The following KHDRBS2 variants were observed in gnomAD, a reference collection of about 807,000 sequenced individuals.
KHDRBS2 encodes the protein KH RNA binding domain containing, signal transduction associated 2, also known as KH domain-containing, RNA-binding, signal transduction-associated protein 2.
In KHDRBS2, 26 loss-of-function variants were observed where a neutral mutation model predicts 44.3. The observed-to-expected ratio is 0.59, with a 90% CI of 0.43 to 0.81. The LOEUF (loss-of-function observed/expected upper bound fraction) is 0.81. Among genes scored for constraint, KHDRBS2 ranks in the 40% least tolerant of loss-of-function variants. KHDRBS2 has a pLI of 0.00. For synonymous variants in KHDRBS2, 194 were observed against 151.1 expected, an observed-to-expected ratio of 1.28 and a Z score of -2.08; for missense variants, 476 against 433.1, an observed-to-expected ratio of 1.10 and a Z score of -0.88.
chr6:61,786,500 A>G (rs1237889514), intron 6 of KHDRBS2, among the ~76,000 whole-genome samples: 4 of 152,064 alleles, frequency 2.6e-5, no homozygotes, highest in Non-Finnish European at 5.9e-5. Context: ...AGAAAAGCAA[A>G]GATCAAACAA....
intron 3 of KHDRBS2, among the ~76,000 whole-genome samples, chr6:62,034,326 A>C (rs1784867454): frequency 6.6e-6 from 1 of 151,936 alleles, no homozygotes; most frequent in African/African-American, 2.4e-5. Context: ...GACTCATTCT[A>C]TAAGCCCAGT....
At chr6:61,957,069 C>T (rs1210847430) in intron 4 of KHDRBS2, among the ~76,000 whole-genome samples, 3 of 152,106 alleles carry the variant, frequency 2.0e-5, no homozygotes, top group Non-Finnish European at 4.4e-5. Context: ...TTTCTTACAC[C>T]TTTCTTTACT....
the KHDRBS2 span, among the ~76,000 whole-genome samples, chr6:61,618,227 C>T: frequency 2.0e-5 from 3 of 152,098 alleles, no homozygotes; most frequent in African/African-American, 7.2e-5. Context: ...AATTCTGTAC[C>T]AAGCACTGTG....
At chr6:62,161,410 A>G (rs1258944580) in intron 2 of KHDRBS2, among the ~76,000 whole-genome samples, 1 of 151,576 alleles carries the variant, frequency 6.6e-6, no homozygotes, top group Non-Finnish European at 1.5e-5. Flanking sequence ...AAAGTATAAC[A>G]ATAATTTACA....
At chr6:61,922,443 C>A (rs1297741049) in intron 4 of KHDRBS2, among the ~76,000 whole-genome samples, 1 of 152,032 alleles carries the variant, frequency 6.6e-6, no homozygotes, top group Non-Finnish European at 1.5e-5. Flanking sequence ...GAAAGAACAA[C>A]AAAGAGCTGC....
intron 6 of KHDRBS2, among the ~76,000 whole-genome samples, chr6:61,787,130 G>A (rs1274742688): frequency 6.7e-6 from 1 of 149,854 alleles, no homozygotes; most frequent in Non-Finnish European, 1.5e-5. Context: ...ATAGAGTTAC[G>A]GTGTTGTTAG....
the KHDRBS2 span, among the ~76,000 whole-genome samples, chr6:61,638,597 G>T: frequency 2.3e-3 from 349 of 152,174 alleles, 2 homozygotes; most frequent in African/African-American, 8.2e-3. Flanking sequence ...ATAGGCATGG[G>T]CAAGGACTTC....
the KHDRBS2 span, among the ~76,000 whole-genome samples, chr6:61,547,495 C>T: frequency 6.6e-6 from 1 of 152,014 alleles, no homozygotes; most frequent in Admixed American, 6.6e-5. Flanking sequence ...CAAATTTAAT[C>T]ACTTTATATA....
chr6:62,184,842 T>C (rs1823103708), intron 1 of KHDRBS2, among the ~76,000 whole-genome samples: 1 of 151,896 alleles, frequency 6.6e-6, no homozygotes, highest in Non-Finnish European at 1.5e-5. Flanking sequence ...TGCTTTTATA[T>C]AAGGTGCCTC....
At chr6:61,760,473 A>G in intron 6 of KHDRBS2, among the ~76,000 whole-genome samples, 1 of 152,074 alleles carries the variant, frequency 6.6e-6, no homozygotes, top group Non-Finnish European at 1.5e-5. Context: ...ACTCTACAAA[A>G]AATACAAAAA....
chr6:61,649,107 A>G, the KHDRBS2 span, among the ~76,000 whole-genome samples: 1 of 152,072 alleles, frequency 6.6e-6, no homozygotes, highest in Non-Finnish European at 1.5e-5. Flanking sequence ...TCTGTCTAGT[A>G]GCTAAGGGTC....
At chr6:62,208,052 CT>C (rs1399231713) in intron 1 of KHDRBS2, among the ~76,000 whole-genome samples, 1 of 152,130 alleles carries the variant, frequency 6.6e-6, no homozygotes, top group Non-Finnish European at 1.5e-5. Flanking sequence ...TCTCTGCCCC[CT>C]CTCACCCATG....
intron 7 of KHDRBS2, among the ~76,000 whole-genome samples, chr6:61,704,132 T>C (rs1769106884): frequency 6.6e-6 from 1 of 151,830 alleles, no homozygotes; most frequent in Non-Finnish European, 1.5e-5. Context: ...CCTTCACCTA[T>C]CCCAACACAT....
chr6:61,978,411 A>C (rs974135883), intron 3 of KHDRBS2, among the ~76,000 whole-genome samples, 199 bp from the exon 4 acceptor site: 5 of 152,076 alleles, frequency 3.3e-5, no homozygotes. Context: ...TGAGTGTTTG[A>C]ATGATTTTAA....
the KHDRBS2 span, among the ~76,000 whole-genome samples, chr6:61,650,973 A>G: frequency 3.3e-5 from 5 of 152,064 alleles, no homozygotes; most frequent in African/African-American, 4.8e-5. Context: ...CCTTCTTACT[A>G]TTTCCAATGT....
the KHDRBS2 span, among the ~76,000 whole-genome samples, chr6:61,585,007 C>T: frequency 2.0e-5 from 3 of 151,616 alleles, no homozygotes; most frequent in Non-Finnish European, 4.4e-5. Flanking sequence ...TGTAAATTTT[C>T]TTTGAAACTA....
chr6:61,662,566 A>C, the KHDRBS2 span, among the ~76,000 whole-genome samples: 2 of 152,152 alleles, frequency 1.3e-5, no homozygotes, highest in East Asian at 3.9e-4. Context: ...AAAAACAAAC[A>C]ACCCCATCAA....
intron 6 of KHDRBS2, among the ~76,000 whole-genome samples, chr6:61,875,276 A>G (rs1441195121): frequency 6.6e-6 from 1 of 152,012 alleles, no homozygotes; most frequent in Non-Finnish European, 1.5e-5. Context: ...GGAAACCCAT[A>G]TAATGTTCTG....
intron 2 of KHDRBS2, among the ~76,000 whole-genome samples, chr6:62,109,879 A>C (rs1804599454): frequency 6.6e-6 from 1 of 151,910 alleles, no homozygotes; most frequent in Non-Finnish European, 1.5e-5. Context: ...AAATTAACTA[A>C]AAATAGATTC....
Sources: gnomAD v4.1 joint callset for allele counts (sites outside exome capture counted in the v4.1 genomes callset) on GRCh38, gnomAD v4.1.1 for gene constraint, MANE v1.5 for transcripts, NCBI Gene and HGNC (gene_info 2026-07-23, HGNC 2026-07-21) for gene names.